Variants in SEMA3D observed in about 807,000 individuals in gnomAD.
The protein encoded by SEMA3D is semaphorin-3D.
Under a neutral mutation model 100.1 loss-of-function variants are expected in SEMA3D, and 84 were observed. That is an observed-to-expected ratio of 0.84 (90% confidence interval 0.70 to 1.01). The LOEUF (loss-of-function observed/expected upper bound fraction) is 1.01. Ranked by LOEUF, SEMA3D falls within the 50% of genes least tolerant of loss-of-function variation. The pLI is 0.00. For missense variants in SEMA3D, 875 were observed against 934.1 expected, an observed-to-expected ratio of 0.94 and a Z score of 0.82; for synonymous variants, 312 against 320.7, an observed-to-expected ratio of 0.97 and a Z score of 0.29.
At chr7:85,201,638 G>T in the SEMA3D span, among the ~76,000 whole-genome samples, 3 of 152,156 alleles carry the variant, frequency 2.0e-5, no homozygotes, top group Admixed American at 6.6e-5. Context: ...TTTAGAGGCT[G>T]TGAGGAAAGC....
At chr7:85,166,209 T>C (rs1324884563) in intron 1 of SEMA3D, among the ~76,000 whole-genome samples, 2 of 152,014 alleles carry the variant, frequency 1.3e-5, no homozygotes, top group African/African-American at 4.8e-5. Context: ...GTTGTTAGTT[T>C]TGCTTAAATT....
intron 4 of SEMA3D, among the ~76,000 whole-genome samples, chr7:85,096,948 C>T (rs1470921994): frequency 1.3e-5 from 2 of 151,642 alleles, no homozygotes; most frequent in Non-Finnish European, 2.9e-5. Flanking sequence ...GCAACTGCTC[C>T]TAATCTTTTT....
chr7:85,043,419 T>C (rs911110819), intron 9 of SEMA3D, among the ~76,000 whole-genome samples: 4 of 152,142 alleles, frequency 2.6e-5, no homozygotes, highest in African/African-American at 9.6e-5. Context: ...ATATTTTCCA[T>C]ACTTTATTTT....
At chr7:85,199,717 T>G in the SEMA3D span, among the ~76,000 whole-genome samples, 1 of 152,214 alleles carries the variant, frequency 6.6e-6, no homozygotes, top group East Asian at 1.9e-4. Flanking sequence ...ATCCTTCACT[T>G]TTTTCTTGTT....
At chr7:85,026,659 C>G (rs1261144841) in intron 12 of SEMA3D, among the ~76,000 whole-genome samples, 2 of 151,966 alleles carry the variant, frequency 1.3e-5, no homozygotes, top group African/African-American at 4.8e-5. Context: ...TCAGTTACAC[C>G]TATGTTTGAA....
chr7:85,024,598 G>A (rs1442266830), intron 12 of SEMA3D, among the ~76,000 whole-genome samples: 1 of 151,888 alleles, frequency 6.6e-6, no homozygotes, highest in African/African-American at 2.4e-5. Flanking sequence ...GGAAAACCTG[G>A]TTTCTATTGA....
chr7:85,167,919 A>T (rs1220962886), intron 1 of SEMA3D, among the ~76,000 whole-genome samples: 3 of 151,874 alleles, frequency 2.0e-5, no homozygotes, highest in African/African-American at 7.2e-5. Flanking sequence ...TCACATCCAG[A>T]TAACAAATAG....
chr7:85,036,893 C>A lies in SEMA3D; in HGVS notation c.1187G>T (p.Gly396Val). The change falls in exon 12 of 19, where the codon GGT becomes GTT. Residue 396 changes from glycine (G) to valine (V), a missense_variant. Coordinates refer to ENST00000284136, the MANE Select transcript of SEMA3D (RefSeq NM_001384900.1). ...YDGRIPYPRP[G>V]TCPSKTYDPL... ...ATTATTAAGTTGGATACATACTGTA[C>A]CAGGCCGTGGATAAGGAATTCTCCC... 1 of 1,612,200 alleles carries A rather than the reference C, an allele frequency of 6.2e-7. No individual in the cohort carries two copies. The highest frequency in any genetic ancestry group is 8.5e-7 in the Non-Finnish European group (1 of 1,178,696).
intron 2 of SEMA3D, among the ~76,000 whole-genome samples, chr7:85,138,863 T>G (rs1033164344): frequency 2.2e-4 from 34 of 151,496 alleles, no homozygotes; most frequent in African/African-American, 8.0e-4. Flanking sequence ...CCTGTCCATA[T>G]GTTCTCATTG....
the SEMA3D span, among the ~76,000 whole-genome samples, chr7:85,222,823 G>A: frequency 6.0e-3 from 911 of 152,162 alleles, 11 homozygotes; most frequent in African/African-American, 0.021. Flanking sequence ...GATGAGGAAA[G>A]GACTTATGAA....
intron 18 of SEMA3D, among the ~76,000 whole-genome samples, chr7:85,003,110 T>C (rs916372045): frequency 6.6e-6 from 1 of 152,148 alleles, no homozygotes; most frequent in African/African-American, 2.4e-5. Context: ...AAAATTTTTC[T>C]GTATTTAAGA....
intron 3 of SEMA3D, among the ~76,000 whole-genome samples, chr7:85,112,683 G>A (rs930508951): frequency 6.6e-6 from 1 of 152,096 alleles, no homozygotes; most frequent in Non-Finnish European, 1.5e-5. Flanking sequence ...AAATAGGTAT[G>A]AAAACAATGG....
intron 2 of SEMA3D, among the ~76,000 whole-genome samples, chr7:85,138,400 C>T (rs998054762): frequency 2.0e-5 from 3 of 151,716 alleles, no homozygotes; most frequent in Non-Finnish European, 2.9e-5. Context: ...GGGATTCTCA[C>T]GTCTCAGCCT....
chr7:85,245,048 C>T, the SEMA3D span, among the ~76,000 whole-genome samples: 1 of 152,124 alleles, frequency 6.6e-6, no homozygotes, highest in Non-Finnish European at 1.5e-5. Flanking sequence ...CATGAAGTGA[C>T]AAGTCCTTTC....
chr7:85,090,708 A>G (rs541982543), intron 4 of SEMA3D, among the ~76,000 whole-genome samples: 1 of 152,260 alleles, frequency 6.6e-6, no homozygotes, highest in Non-Finnish European at 1.5e-5. Flanking sequence ...GAGTCAGAAC[A>G]TCATTCTGAT....
intron 2 of SEMA3D, among the ~76,000 whole-genome samples, chr7:85,150,346 A>AATATATATATATATATATATATATATT (rs3078412): frequency 8.2e-6 from 1 of 121,238 alleles, no homozygotes; most frequent in East Asian, 2.4e-4. Context: ...CTTTTCTAGA[A>AATATATATATATATATATATATATATT]ATATATATAT....
intron 2 of SEMA3D, chr7:85,140,382 A>G (rs1790012855): frequency 1.0e-6 from 1 of 981,384 alleles, no homozygotes; most frequent in African/African-American, 1.8e-5. Flanking sequence ...ATGTTGGTAA[A>G]TTATTCTATT....
chr7:85,170,377 T>C (rs1791051640), intron 1 of SEMA3D, among the ~76,000 whole-genome samples: 1 of 151,922 alleles, frequency 6.6e-6, no homozygotes, highest in Non-Finnish European at 1.5e-5. Context: ...CTCAGACTTC[T>C]ATGTATGTGG....
intron 1 of SEMA3D, among the ~76,000 whole-genome samples, chr7:85,171,865 A>G (rs753154387): frequency 2.3e-4 from 35 of 152,024 alleles, no homozygotes; most frequent in Admixed American, 1.3e-3. Flanking sequence ...TAGTCTTTAA[A>G]ATTGTTTCCT....
Sources: allele counts gnomAD v4.1 joint callset (sites outside exome capture counted in the v4.1 genomes callset), GRCh38; gene constraint gnomAD v4.1.1; transcripts MANE v1.5; gene names NCBI Gene and HGNC (gene_info 2026-07-23, HGNC 2026-07-21).